CTNNA3: variants seen among roughly 807,000 people sequenced by gnomAD.
CTNNA3 encodes the protein catenin alpha-3.
A neutral mutation model predicts 95.7 loss-of-function variants in CTNNA3; 76 were observed. That is an observed-to-expected ratio of 0.79 (90% CI 0.66 to 0.96). CTNNA3 has a LOEUF of 0.96. CTNNA3 is among the 40% of genes least tolerant of loss of function. CTNNA3 has a pLI of 0.00. For synonymous variants in CTNNA3, 431 were observed against 374.4 expected (o/e 1.15, Z -1.74); for missense variants, 1,191 against 1,089.8 (o/e 1.09, Z -1.31).
In CTNNA3 at chr10:67,133,328, TACAC is replaced by T. The variant is rs1554928688; in HGVS notation, c.1047+46985_1047+46988del. Among the ~76,000 whole-genome samples the T allele has an allele frequency of 1.9e-5, 2 of 105,326 alleles. 1 individual carries two copies. Among genetic ancestry groups the T allele is most frequent in the Non-Finnish European group, 3.9e-5 (2 of 51,038 alleles). 69.1% of individuals were successfully genotyped at this position (105,326 alleles called of 152,430 possible). A position where few individuals can be genotyped will look rare whatever the true frequency, so the allele number is the denominator to read the frequency against. On this transcript the variant is annotated intron_variant, in intron 7 of 17. Transcript: ENST00000433211. ...CCTGATATATATATATATATATTTA[TACAC>T]ACACACACACAATGGTAGATACATA...
chr10:66,694,939 GC>G (rs1392898362), intron 9 of CTNNA3, among the ~76,000 whole-genome samples: 4 of 151,968 alleles, frequency 2.6e-5, no homozygotes, highest in Admixed American at 6.6e-5. Context: ...TTATTAATGT[GC>G]CCAGATTGTT....
At chr10:66,768,483 C>T (rs2132794883) in intron 8 of CTNNA3, among the ~76,000 whole-genome samples, 1 of 152,242 alleles carries the variant, frequency 6.6e-6, no homozygotes, top group East Asian at 1.9e-4. Flanking sequence ...ACAAATTACC[C>T]ACAACTAAAA....
At chr10:66,407,420 G>A (rs1049460757) in intron 11 of CTNNA3, among the ~76,000 whole-genome samples, 6 of 151,958 alleles carry the variant, frequency 3.9e-5, no homozygotes, top group Admixed American at 2.0e-4. Context: ...ATCTAGCACC[G>A]ATGATAATAA....
At chr10:66,197,376 AT>A (rs1321717354) in intron 13 of CTNNA3, among the ~76,000 whole-genome samples, 1 of 149,924 alleles carries the variant, frequency 6.7e-6, no homozygotes, top group African/African-American at 2.4e-5. Context: ...CTATCTATCT[AT>A]CTATCATCTA....
intron 10 of CTNNA3, among the ~76,000 whole-genome samples, chr10:66,556,496 A>G (rs1842393954): frequency 6.6e-6 from 1 of 152,014 alleles, no homozygotes. Flanking sequence ...AAATTATGAT[A>G]TATGTGTACA....
chr10:66,233,038 T>C (rs2089665200), intron 13 of CTNNA3, among the ~76,000 whole-genome samples: 1 of 151,590 alleles, frequency 6.6e-6, no homozygotes, highest in Non-Finnish European at 1.5e-5. Context: ...TGTGCGCCTG[T>C]AGTCCCAGCT....
Position 66,178,440 on chromosome 10 carries a change from T to TATATATATACATATATATATATATAC in CTNNA3, c.1885-75192_1885-75191insGTATATATATATATATGTATATATAT, listed in dbSNP as rs1231414006. Among the ~76,000 whole-genome samples, 649 of 105,730 alleles carry TATATATATACATATATATATATATAC rather than the reference T, an allele frequency of 6.1e-3. 7 individuals are homozygous for TATATATATACATATATATATATATAC. The highest frequency in any genetic ancestry group is 9.7e-3 in the Non-Finnish European group (499 of 51,692). The allele number at this position is 105,730 out of a possible 152,430, so 69.4% of individuals were successfully genotyped here. ...ATATATATATATATATATATATATATATACACACACAGATATAGAAAGAGA... is the reference window on the plus strand; with the variant it reads ...ATATATATATATATATATATATATATATATATATACATATATATATATATACATACACACACAGATATAGAAAGAGA... On this transcript the variant is annotated intron_variant, in intron 13 of 17. Transcript: ENST00000433211.
intron 13 of CTNNA3, among the ~76,000 whole-genome samples, chr10:66,202,912 TC>T (rs1319240002): frequency 6.6e-6 from 1 of 152,212 alleles, no homozygotes; most frequent in Non-Finnish European, 1.5e-5. Flanking sequence ...ATAGATTTTC[TC>T]AGATGAATCT....
chr10:67,676,778 T>C (rs1233680551), intron 1 of CTNNA3, among the ~76,000 whole-genome samples: 2 of 152,170 alleles, frequency 1.3e-5, no homozygotes, highest in Non-Finnish European at 2.9e-5. Context: ...AAGCATACCA[T>C]TCCGGCAAAT....
At chr10:66,192,738 A>G (rs573805295) in intron 13 of CTNNA3, among the ~76,000 whole-genome samples, 1 of 152,180 alleles carries the variant, frequency 6.6e-6, no homozygotes, top group Admixed American at 6.5e-5. Context: ...CAATTTCTTT[A>G]CCCCTTTCCC....
In CTNNA3 at chr10:66,590,836, A is replaced by C. The variant is rs925084671; in HGVS notation, c.1374+30856T>G. Among the ~76,000 whole-genome samples the C allele has an allele frequency of 1.2e-4, 18 of 152,238 alleles. 1 individual carries two copies. Among genetic ancestry groups the C allele is most frequent in the African/African-American group, 3.6e-4 (15 of 41,558 alleles). On this transcript the variant is annotated intron_variant, in intron 10 of 17. Transcript: ENST00000433211. Reference sequence around the variant, plus strand: ...TCCTAACTGATAATGCATTTGATTAATAGAGGGAGAAAAATGGCTTATATA... The same window carrying C: ...TCCTAACTGATAATGCATTTGATTACTAGAGGGAGAAAAATGGCTTATATA...
At chr10:66,062,864 T>C (rs1309315906) in intron 15 of CTNNA3, among the ~76,000 whole-genome samples, 3 of 152,134 alleles carry the variant, frequency 2.0e-5, no homozygotes, top group South Asian at 2.1e-4. Flanking sequence ...TGTCACTCTA[T>C]GGAGTTATGA....
At chr10:66,855,989 T>C (rs1216526417) in intron 7 of CTNNA3, among the ~76,000 whole-genome samples, 4 of 151,948 alleles carry the variant, frequency 2.6e-5, no homozygotes, top group Non-Finnish European at 5.9e-5. Flanking sequence ...TGTGAATAAA[T>C]TGCATGCTTC....
At chr10:66,554,135 A>G (rs977466183) in intron 10 of CTNNA3, among the ~76,000 whole-genome samples, 13 of 152,024 alleles carry the variant, frequency 8.6e-5, no homozygotes, top group Non-Finnish European at 1.8e-4. Context: ...TTAGTCCTCC[A>G]TCTGGAAGAA....
Position 67,478,706 on chromosome 10 carries a change from TA to T in CTNNA3, c.579+43135del, listed in dbSNP as rs568872882. On this transcript the variant is annotated intron_variant, in intron 5 of 17. Coordinates refer to ENST00000433211, the MANE Select transcript of CTNNA3 (RefSeq NM_013266.4). ...TTAAATAAATAGCTCACAGAACCCA[TA>T]AAGCAATCACACAATAGAAACTACA... is the stretch of plus-strand genomic sequence containing the variant. Among the ~76,000 whole-genome samples the T allele has an allele frequency of 1.2e-3, 175 of 152,048 alleles. 1 individual carries two copies. The highest frequency in any genetic ancestry group is 2.1e-3 in the Non-Finnish European group (141 of 67,946).
chr10:66,357,067 T>C (rs923275734), intron 12 of CTNNA3, among the ~76,000 whole-genome samples: 4 of 152,114 alleles, frequency 2.6e-5, no homozygotes, highest in Admixed American at 6.5e-5. Context: ...GTAGTTTTGT[T>C]TTCTTCTAAT....
chr10:66,865,923 C>T (rs1173578041), intron 7 of CTNNA3, among the ~76,000 whole-genome samples: 2 of 151,900 alleles, frequency 1.3e-5, no homozygotes, highest in Non-Finnish European at 2.9e-5. Context: ...TTTGCTTTTA[C>T]CCTTAATATT....
chr10:66,009,604 C>T (rs2078966483), intron 15 of CTNNA3, among the ~76,000 whole-genome samples: 1 of 152,202 alleles, frequency 6.6e-6, no homozygotes, highest in Admixed American at 6.5e-5. Context: ...ATATTTAAAG[C>T]CATAACTCCA....
chr10:66,954,486 C>T (rs969591234), intron 7 of CTNNA3, among the ~76,000 whole-genome samples: 4 of 152,102 alleles, frequency 2.6e-5, no homozygotes, highest in East Asian at 1.9e-4. Context: ...GTGCACTACA[C>T]GGTCCCGCAA....
Sources: allele counts gnomAD v4.1 joint callset (sites outside exome capture counted in the v4.1 genomes callset), GRCh38; gene constraint gnomAD v4.1.1; transcripts MANE v1.5; gene names NCBI Gene and HGNC (gene_info 2026-07-23, HGNC 2026-07-21).